Variants in VWA3B observed in about 807,000 individuals in gnomAD.
VWA3B encodes von Willebrand factor A domain-containing protein 3B.
VWA3B carries 138 observed loss-of-function variants against 158.3 expected under a neutral mutation model. The ratio of observed to expected loss-of-function variants is 0.87; its 90% confidence interval spans 0.76 to 1.00. The LOEUF (loss-of-function observed/expected upper bound fraction) is 1.00. Among genes scored for constraint, VWA3B ranks in the 50% least tolerant of loss-of-function variants. VWA3B has a pLI of 0.00. For missense variants in VWA3B, 1,555 were observed against 1,565.1 expected (o/e 0.99, Z 0.11); for synonymous variants, 596 against 587.3 (o/e 1.01, Z -0.21).
chr2:98,250,519 T>A, intron 20 of VWA3B, 83 bp downstream of exon 20: 1 of 575,396 alleles, frequency 1.7e-6, no homozygotes, highest in Non-Finnish European at 2.6e-6. Flanking sequence ...TAGCTTAGCT[T>A]TTTTTTTTTT....
intron 26 of VWA3B, among the ~76,000 whole-genome samples, chr2:98,311,053 A>T (rs1320147782): frequency 6.6e-6 from 1 of 152,258 alleles, no homozygotes; most frequent in African/African-American, 2.4e-5. Flanking sequence ...AACAAAACAA[A>T]AAATTATTCG....
At chr2:98,242,885 T>A (rs1686168575) in intron 19 of VWA3B, among the ~76,000 whole-genome samples, 1 of 151,706 alleles carries the variant, frequency 6.6e-6, no homozygotes, top group Non-Finnish European at 1.5e-5. Flanking sequence ...TTGTTGCTTT[T>A]AAATATAATA....
rs756905569 is a variant in VWA3B, at chr2:98,180,125, TCCTC to T, written c.1115-875_1115-872del. On this transcript the variant is annotated intron_variant, in intron 8 of 27. Transcript: ENST00000477737. Reference sequence around the variant, plus strand: ...CTTTTCTTTCTTTCTTCTGTCTCTCTCCTCCCTCCCTCCCTCCCTTTCTCTCTTT... The same window carrying T: ...CTTTTCTTTCTTTCTTCTGTCTCTCTCCTCCCTCCCTCCCTTTCTCTCTTT... 8.2e-4 allele frequency among the ~76,000 whole-genome samples: 123 copies of T among 149,984 alleles called. 1 individual carries two copies. The highest frequency in any genetic ancestry group is 3.5e-3 in the Middle Eastern group (1 of 288).
chr2:98,100,253 G>A (rs1468056612), intron 2 of VWA3B, among the ~76,000 whole-genome samples: 1 of 152,230 alleles, frequency 6.6e-6, no homozygotes. Context: ...TTCTGGGCAA[G>A]TCTTCTGGTG....
intron 7 of VWA3B, among the ~76,000 whole-genome samples, chr2:98,144,646 G>A (rs770589527): frequency 1.3e-5 from 2 of 150,948 alleles, no homozygotes; most frequent in East Asian, 1.9e-4. Flanking sequence ...GACTCACTGC[G>A]ACCTCCTGCT....
intron 8 of VWA3B, among the ~76,000 whole-genome samples, chr2:98,169,274 A>G (rs1241234130): frequency 6.6e-6 from 1 of 152,260 alleles, no homozygotes; most frequent in Non-Finnish European, 1.5e-5. Context: ...ACATTTTCAG[A>G]CATACAAAAG....
chr2:98,272,507 C>G (rs180746944), intron 22 of VWA3B, among the ~76,000 whole-genome samples: 1 of 152,204 alleles, frequency 6.6e-6, no homozygotes, highest in East Asian at 1.9e-4. Flanking sequence ...TAGGGATGAT[C>G]GATTAAAGCA....
intron 9 of VWA3B, among the ~76,000 whole-genome samples, chr2:98,181,930 G>C (rs545906870): frequency 6.6e-6 from 1 of 152,212 alleles, no homozygotes; most frequent in African/African-American, 2.4e-5. Context: ...GAGAGGTGTA[G>C]AACAGGAACC....
rs959378426 is a variant in VWA3B at position 98,256,279 on chromosome 2, A to C, written c.2843+105A>C. On this transcript the variant is annotated intron_variant, in intron 21 of 27. Transcript: ENST00000477737. ...AATGCAGAGGTATTTAAAATATTCA[A>C]AATGTTCTGCAAACCACTACCTTTT... 2.3e-6 allele frequency: 3 copies of C among 1,289,876 alleles called. No individual in the cohort carries two copies. The African/African-American group carries it at 4.5e-5, about 19-fold the overall frequency. The allele number at this position is 1,289,876 out of a possible 1,614,324, so 79.9% of individuals were successfully genotyped here.
intron 2 of VWA3B, among the ~76,000 whole-genome samples, chr2:98,103,589 C>T (rs946041431): frequency 1.6e-4 from 25 of 151,722 alleles, no homozygotes; most frequent in African/African-American, 5.8e-4. Context: ...TTTAAAAGTA[C>T]TTGTTTTTGT....
At position 98,194,492 on chromosome 2, in the gene VWA3B, G is replaced by A; in HGVS notation, c.1737G>A (p.Lys579=). The change falls in exon 12 of 28, where the codon AAG becomes AAA. Residue 579 remains lysine, a splice_region_variant and synonymous_variant. Coordinates refer to ENST00000477737, the MANE Select transcript of VWA3B (RefSeq NM_144992.5). ...EQAQSWIRDI[K]IGSSTNTLSA... is the part of the protein sequence containing the mutation. ...CTCAGTCCTGGATTAGAGACATAAA[G>A]GTAAGTTGGAGACTAAGCTGGGAGA... 6.2e-7 allele frequency: 1 copy of A among 1,613,596 alleles called. No individual in the cohort carries two copies. Among genetic ancestry groups the A allele is most frequent in the Non-Finnish European group, 8.5e-7 (1 of 1,179,644 alleles).
At position 98,220,860 on chromosome 2, in the gene VWA3B, T is replaced by C. The variant is rs140668666; in HGVS notation, c.2019+2832T>C. Among the ~76,000 whole-genome samples the C allele has an allele frequency of 4.7e-3, 714 of 152,102 alleles. 4 individuals are homozygous for C. Among genetic ancestry groups the C allele is most frequent in the African/African-American group, 0.015 (604 of 41,496 alleles). On this transcript the variant is annotated intron_variant, in intron 14 of 27. Coordinates refer to ENST00000477737, the MANE Select transcript of VWA3B (RefSeq NM_144992.5). ...CTGGAAGCCATCATCCTCAGCAAAC[T>C]AATACAGGAACAGAAAACCACACAC... is the stretch of plus-strand genomic sequence containing the variant.
intron 12 of VWA3B, 25 bp from the exon 13 acceptor site, chr2:98,211,905 T>C: frequency 6.2e-7 from 1 of 1,603,932 alleles, no homozygotes; most frequent in Non-Finnish European, 8.5e-7. Context: ...TTCAAGTGTG[T>C]CCTTGGTGTC....
At chr2:98,104,726 C>CT (rs1245546502) in intron 2 of VWA3B, among the ~76,000 whole-genome samples, 1 of 152,116 alleles carries the variant, frequency 6.6e-6, no homozygotes, top group Non-Finnish European at 1.5e-5. Flanking sequence ...TTTCTTTCAT[C>CT]TGTGTTTCTC....
chr2:98,299,794 G>A (rs375357950), intron 24 of VWA3B, among the ~76,000 whole-genome samples: 4 of 152,214 alleles, frequency 2.6e-5, no homozygotes, highest in Non-Finnish European at 1.5e-5. Flanking sequence ...TCTCTTTAGG[G>A]TGTGGTTTCC....
At chr2:98,163,554 C>CAACAAT (rs1254241952) in intron 8 of VWA3B, among the ~76,000 whole-genome samples, 9 of 152,056 alleles carry the variant, frequency 5.9e-5, no homozygotes, top group Non-Finnish European at 1.0e-4. Flanking sequence ...ACAACAACAA[C>CAACAAT]AACAATAACA....
At chr2:98,143,752 CTTTT>C (rs534351736) in intron 7 of VWA3B, among the ~76,000 whole-genome samples, 2 of 130,942 alleles carry the variant, frequency 1.5e-5, no homozygotes, top group East Asian at 2.1e-4. Flanking sequence ...CTTTTCTTTT[CTTTT>C]TTTTTTTTTT....
At chr2:98,266,327 C>T (rs559349730) in intron 21 of VWA3B, among the ~76,000 whole-genome samples, 20,031 of 151,048 alleles carry the variant, frequency 0.13, 2,025 homozygotes, top group Non-Finnish European at 0.19. Context: ...GCTTGTTTTT[C>T]TCAGGTTTGT....
chr2:98,155,587 G>A (rs1677997668), intron 7 of VWA3B, among the ~76,000 whole-genome samples: 1 of 152,186 alleles, frequency 6.6e-6, no homozygotes, highest in Non-Finnish European at 1.5e-5. Context: ...ACGTGTTTAA[G>A]TTCCCAGCAC....
Sources: allele counts gnomAD v4.1 joint callset (sites outside exome capture counted in the v4.1 genomes callset), GRCh38; gene constraint gnomAD v4.1.1; transcripts MANE v1.5; gene names NCBI Gene and HGNC (gene_info 2026-07-23, HGNC 2026-07-21).